The following FKTN variants were observed in gnomAD, a reference collection of about 807,000 sequenced individuals.
The protein encoded by FKTN is ribitol-5-phosphate transferase FKTN.
FKTN carries 47 observed loss-of-function variants against 58.6 expected under a neutral mutation model. That is an observed-to-expected ratio of 0.80 (90% CI 0.63 to 1.02). The LOEUF (loss-of-function observed/expected upper bound fraction) is 1.02, where lower values mean the gene tolerates loss of function less well. Ranked by LOEUF, FKTN falls within the 50% of genes least tolerant of loss-of-function variation. The probability of loss-of-function intolerance (pLI) is 0.00; values close to 1 mark genes in which losing one functional copy is unlikely to be tolerated. For missense variants in FKTN, 516 were observed against 537.3 expected (o/e 0.96, Z 0.39); for synonymous variants, 178 against 191.9 (o/e 0.93, Z 0.60).
In FKTN at chr9:105,637,011, A is replaced by G; in HGVS notation, c.*1747A>G. 2.0e-6 allele frequency: 2 copies of G among 998,908 alleles called. No individual in the cohort carries two copies. Among genetic ancestry groups the G allele is most frequent in the Non-Finnish European group, 2.4e-6 (2 of 836,806 alleles). The allele number at this position is 998,908 out of a possible 1,614,324, so 61.9% of individuals were successfully genotyped here. A position where few individuals can be genotyped will look rare whatever the true frequency, so the allele number is the denominator to read the frequency against. On this transcript the variant is annotated 3_prime_UTR_variant, in exon 11 of 11. Transcript: ENST00000357998. ...AGATTGTCAGCAAACTTGTCCCAAA[A>G]TGGCACATCATCATAATCCATTTTC... is the stretch of plus-strand genomic sequence containing the variant.
At chr9:105,567,822 C>T (rs1839961051) in intron 1 of FKTN, among the ~76,000 whole-genome samples, 2 of 152,172 alleles carry the variant, frequency 1.3e-5, no homozygotes, top group African/African-American at 2.4e-5. Context: ...AAAAAAGAGC[C>T]CGCCTTGCCA....
At chr9:105,615,519 G>A in intron 8 of FKTN, 112 bp downstream of exon 8, 1 of 1,023,710 alleles carries the variant, frequency 9.8e-7, no homozygotes, top group Admixed American at 1.7e-5. Context: ...CATGTGTATA[G>A]ACAGAATAAA....
rs2518122 is a variant in FKTN at position 105,573,789 on chromosome 9, T to C, written c.-89+43T>C. ...TGCTCATCCCAATAAAAAGATTAAA[T>C]TACCTATCAGGAGTTGGTTTGGGAA... On this transcript the variant is annotated intron_variant, in intron 2 of 10. Transcript: ENST00000357998. The C allele has an allele frequency of 0.12, 18,783 of 152,176 alleles. 1,487 individuals carry two copies. Among genetic ancestry groups the C allele is most frequent in the Admixed American group, 0.23 (3,480 of 15,260 alleles). The allele number at this position is 152,176 out of a possible 1,614,324, so 9.4% of individuals were successfully genotyped here.
chr9:105,564,572 A>C (rs1049441364), intron 1 of FKTN, among the ~76,000 whole-genome samples: 7 of 152,226 alleles, frequency 4.6e-5, no homozygotes, highest in African/African-American at 7.2e-5. Flanking sequence ...AATGAATGAA[A>C]TGAAGCCAGA....
intron 6 of FKTN, among the ~76,000 whole-genome samples, chr9:105,606,951 C>T (rs1018603106): frequency 6.6e-6 from 1 of 151,816 alleles, no homozygotes; most frequent in African/African-American, 2.4e-5. Context: ...TTAATACTCA[C>T]TGTTCTCTTA....
At chr9:105,621,631 A>G (rs1408831521) in intron 10 of FKTN, among the ~76,000 whole-genome samples, 1 of 152,046 alleles carries the variant, frequency 6.6e-6, no homozygotes, top group Non-Finnish European at 1.5e-5. Context: ...ATGCTCGTAT[A>G]CATATAGTAT....
Position 105,637,350 on chromosome 9 carries a change from A to C in FKTN, c.*2086A>C, listed in dbSNP as rs1161678241. On this transcript the variant is annotated 3_prime_UTR_variant, in exon 11 of 11. Coordinates refer to ENST00000357998, the MANE Select transcript of FKTN (RefSeq NM_001079802.2). The stretch of plus-strand genomic sequence containing the variant: ...CTGAAATCCAAGACATCTTGGCCCA[A>C]TTGACACAGGTTCTATATTCTTCCC... 3 of 985,262 alleles carry C rather than the reference A, an allele frequency of 3.0e-6. No homozygotes were observed. Among genetic ancestry groups the C allele is most frequent in the Non-Finnish European group, 3.6e-6 (3 of 829,940 alleles). The allele number at this position is 985,262 out of a possible 1,614,324, so 61.0% of individuals were successfully genotyped here.
At chr9:105,624,203 T>A (rs1832435921) in intron 10 of FKTN, 1 of 152,238 alleles carries the variant, frequency 6.6e-6, no homozygotes, top group Admixed American at 6.5e-5. Flanking sequence ...AGTGTTGCAT[T>A]GTACTCACAG....
At chr9:105,616,406 G>C (rs374119737) in intron 8 of FKTN, among the ~76,000 whole-genome samples, 1 of 152,048 alleles carries the variant, frequency 6.6e-6, no homozygotes, top group Admixed American at 6.6e-5. Flanking sequence ...GCCTTTCCTA[G>C]GTCATTGGTA....
intron 10 of FKTN, among the ~76,000 whole-genome samples, chr9:105,625,620 A>G (rs1432283294): frequency 2.6e-5 from 4 of 152,208 alleles, no homozygotes; most frequent in South Asian, 2.1e-4. Context: ...TGGTAAAAGA[A>G]CTTAGCACCA....
chr9:105,606,519 T>C (rs888130668), intron 6 of FKTN, among the ~76,000 whole-genome samples: 1 of 151,822 alleles, frequency 6.6e-6, no homozygotes, highest in African/African-American at 2.4e-5. Context: ...ATAATGATGT[T>C]ACAGTCTACT....
At chr9:105,604,623 A>G (rs971238798) in intron 6 of FKTN, 131 bp downstream of exon 6, 6 of 756,910 alleles carry the variant, frequency 7.9e-6, no homozygotes, top group Non-Finnish European at 1.3e-5. Context: ...ATTATTCTTA[A>G]TGACTCCAAA....
intron 3 of FKTN, among the ~76,000 whole-genome samples, chr9:105,578,088 C>T (rs1842095879): frequency 6.6e-6 from 1 of 151,904 alleles, no homozygotes; most frequent in Non-Finnish European, 1.5e-5. Flanking sequence ...ATGGGGTTTT[C>T]TAGATATACA....
chr9:105,565,992 AACTC>A (rs1258572389), intron 1 of FKTN, among the ~76,000 whole-genome samples: 35 of 152,216 alleles, frequency 2.3e-4, no homozygotes, highest in Non-Finnish European at 1.5e-4. Context: ...AGGATTAAGA[AACTC>A]ACTCAAAACC....
rs772377836 is a variant in FKTN, at chr9:105,635,242, A to T, written c.1364A>T (p.Asp455Val). Residue 455 changes from aspartate (D) to valine (V), a missense_variant, in exon 11 of 11, where the codon GAT becomes GTT. Asp to Val is a radical substitution (Grantham distance 152). Coordinates refer to ENST00000357998, the MANE Select transcript of FKTN (RefSeq NM_001079802.2). ...PNGIWPISEW[D>V]EVIQLY ...GGAATCTGGCCTATTTCTGAGTGGG[A>T]TGAGGTTATCCAGTTATATTGAGAT... is the stretch of plus-strand genomic sequence containing the variant. 6.2e-7 allele frequency: 1 copy of T among 1,614,136 alleles called. No homozygotes were observed. Among genetic ancestry groups the T allele is most frequent in the South Asian group, 1.1e-5 (1 of 91,082 alleles).
intron 10 of FKTN, among the ~76,000 whole-genome samples, chr9:105,626,402 C>T (rs375615777): frequency 4.6e-5 from 7 of 152,192 alleles, no homozygotes; most frequent in Non-Finnish European, 7.4e-5. Context: ...TTTCTCCTCA[C>T]ATGGTGAAAG....
chr9:105,604,528 G>A lies in FKTN; in HGVS notation c.647+36G>A, dbSNP rs115199403. 4.9e-4 allele frequency: 749 copies of A among 1,535,158 alleles called. 6 individuals are homozygous for A. The African/African-American group carries it at 9.3e-3, about 19-fold the overall frequency. Reference sequence around the variant, plus strand: ...AGTCAAAACGTGAAATGTGAAATGAGTGTTGTTCAGTCATAATTCTTGCAG... The same window carrying A: ...AGTCAAAACGTGAAATGTGAAATGAATGTTGTTCAGTCATAATTCTTGCAG... On this transcript the variant is annotated intron_variant, in intron 6 of 10. Coordinates refer to ENST00000357998, the MANE Select transcript of FKTN (RefSeq NM_001079802.2).
intron 10 of FKTN, among the ~76,000 whole-genome samples, chr9:105,625,155 A>G (rs1019164150): frequency 6.6e-6 from 1 of 152,230 alleles, no homozygotes; most frequent in Non-Finnish European, 1.5e-5. Flanking sequence ...AGCCTACCAA[A>G]TGTTACAGAG....
chr9:105,580,234 G>A (rs1180546589), intron 3 of FKTN, among the ~76,000 whole-genome samples: 1 of 152,034 alleles, frequency 6.6e-6, no homozygotes, highest in Non-Finnish European at 1.5e-5. Context: ...GATTTTCCTC[G>A]TTAGTTGACG....
Sources: allele counts gnomAD v4.1 joint callset (sites outside exome capture counted in the v4.1 genomes callset), GRCh38; gene constraint gnomAD v4.1.1; transcripts MANE v1.5; gene names NCBI Gene and HGNC (gene_info 2026-07-23, HGNC 2026-07-21).